Variants in ZC3HAV1 observed in about 807,000 individuals in gnomAD.
ZC3HAV1 encodes zinc finger CCCH-type antiviral protein 1.
ZC3HAV1 carries 41 observed loss-of-function variants against 86.6 expected under a neutral mutation model. The ratio of observed to expected loss-of-function variants is 0.47; its 90% CI spans 0.37 to 0.61. The LOEUF (loss-of-function observed/expected upper bound fraction) is 0.61, where lower values mean the gene tolerates loss of function less well. Ranked by LOEUF, ZC3HAV1 falls within the 20% of genes least tolerant of loss-of-function variation. The pLI, the probability that ZC3HAV1 is intolerant of heterozygous loss-of-function variation, is 0.00. For synonymous variants in ZC3HAV1, 421 were observed against 432.1 expected (o/e 0.97, Z 0.32); for missense variants, 964 against 1,141.1 (o/e 0.84, Z 2.24).
At chr7:139,052,211 G>T (rs562745069) in intron 12 of ZC3HAV1, among the ~76,000 whole-genome samples, 5 of 150,676 alleles carry the variant, frequency 3.3e-5, no homozygotes, top group African/African-American at 1.2e-4. Flanking sequence ...CCTGCGCCAT[G>T]TTGGTGTGCT....
At chr7:139,065,098 G>A (rs766893940) in intron 7 of ZC3HAV1, 99 bp from the exon 8 acceptor site, 24 of 1,505,858 alleles carry the variant, frequency 1.6e-5, no homozygotes, top group Non-Finnish European at 1.8e-5. Flanking sequence ...GAACAGGAGT[G>A]CATTTTGCTT....
intron 9 of ZC3HAV1, 106 bp from the exon 10 acceptor site, chr7:139,055,401 C>T (rs1252531779): frequency 9.6e-5 from 82 of 855,238 alleles, no homozygotes; most frequent in Non-Finnish European, 5.9e-5. Flanking sequence ...GAGAAATACA[C>T]AATATTTATT....
In ZC3HAV1 at chr7:139,046,573, C is replaced by T. The variant is rs1209176770; in HGVS notation, c.*1021G>A. 42 of 152,182 alleles carry T rather than the reference C, an allele frequency of 2.8e-4. No individual in the cohort carries two copies. Among genetic ancestry groups the T allele is most frequent in the Admixed American group, 2.7e-3 (42 of 15,276 alleles). The allele number at this position is 152,182 out of a possible 1,614,324, so 9.4% of individuals were successfully genotyped here. A position where few individuals can be genotyped will look rare whatever the true frequency, so the allele number is the denominator to read the frequency against. ...CTCCAGTTGGTTGCTTCTCTCTGAG[C>T]CTTACTTGCCAGCTCTTATTACCGC... On this transcript the variant is annotated 3_prime_UTR_variant, in exon 13 of 13. Transcript: ENST00000242351.
chr7:139,058,453 CCACA>C (rs1301075910), intron 9 of ZC3HAV1, among the ~76,000 whole-genome samples: 2 of 116,032 alleles, frequency 1.7e-5, no homozygotes, highest in African/African-American at 8.8e-5. Context: ...CCCCCCCCCC[CCACA>C]AAAAAACACC....
At chr7:139,050,290 G>A (rs768821418) in intron 12 of ZC3HAV1, among the ~76,000 whole-genome samples, 21 of 151,962 alleles carry the variant, frequency 1.4e-4, no homozygotes, top group Admixed American at 6.6e-4. Context: ...TATATAATCT[G>A]GAATCTATAT....
At chr7:139,052,876 C>G (rs1195827222) in intron 12 of ZC3HAV1, among the ~76,000 whole-genome samples, 1 of 151,446 alleles carries the variant, frequency 6.6e-6, no homozygotes, top group African/African-American at 2.4e-5. Context: ...CTGCAGTGAG[C>G]CGAGATTGTC....
At chr7:139,077,403 C>T (rs948195983) in intron 5 of ZC3HAV1, among the ~76,000 whole-genome samples, 1 of 152,142 alleles carries the variant, frequency 6.6e-6, no homozygotes, top group Non-Finnish European at 1.5e-5. Context: ...GCCACCACGC[C>T]CAGCTAATTT....
rs573663975 is a variant in ZC3HAV1, at chr7:139,071,662, C to T, written c.1872+2194G>A. 5.9e-5 allele frequency among the ~76,000 whole-genome samples: 9 copies of T among 152,188 alleles called. No homozygotes were observed. In the South Asian group the frequency reaches 6.2e-4, roughly 11 times the overall value. On this transcript the variant is annotated intron_variant, in intron 7 of 12. Coordinates refer to ENST00000242351, the MANE Select transcript of ZC3HAV1 (RefSeq NM_020119.4). The stretch of plus-strand genomic sequence containing the variant: ...AATATCATAGGTGTTTTCACACACA[C>T]GGGAGTTTCAGCAGAACTCTGTTCC...
intron 12 of ZC3HAV1, among the ~76,000 whole-genome samples, chr7:139,050,731 A>T (rs1484329471): frequency 6.6e-6 from 1 of 152,210 alleles, no homozygotes; most frequent in African/African-American, 2.4e-5. Context: ...GACCTGTAAG[A>T]AACTGATGGG....
In ZC3HAV1 at chr7:139,093,798, C is replaced by T. The variant is rs191754731; in HGVS notation, c.309-4039G>A. Among the ~76,000 whole-genome samples, 340 of 152,316 alleles carry T rather than the reference C, an allele frequency of 2.2e-3. 6 individuals are homozygous for T. Among genetic ancestry groups the T allele is most frequent in the Non-Finnish European group, 6.5e-4 (44 of 68,028 alleles). ...TCACACAAAGCCTGTTTGGTGGTCT[C>T]TTCACACGGACGCGAGTGAAAATTA... On this transcript the variant is annotated intron_variant, in intron 1 of 12. Transcript: ENST00000242351.
At chr7:139,089,799 C>CAGAA in intron 1 of ZC3HAV1, 40 bp from the exon 2 acceptor site, 1 of 1,558,466 alleles carries the variant, frequency 6.4e-7, no homozygotes, top group Non-Finnish European at 8.6e-7. Context: ...TTCTACTACA[C>CAGAA]AGATGCAAAG....
chr7:139,093,286 C>T (rs1012584043), intron 1 of ZC3HAV1, among the ~76,000 whole-genome samples: 2 of 152,132 alleles, frequency 1.3e-5, no homozygotes, highest in Admixed American at 6.6e-5. Flanking sequence ...AAATTTAAAT[C>T]GGCATCCTGA....
chr7:139,080,227 A>T lies in ZC3HAV1; in HGVS notation c.714T>A (p.Arg238=). Reference sequence around the variant, plus strand: ...TTCTAGCCCTATATGCCATGTTTCTACGATGTGAAGAAGGAGCTAAGGGGA... The same window carrying T: ...TTCTAGCCCTATATGCCATGTTTCTTCGATGTGAAGAAGGAGCTAAGGGGA... ...PPGPRAPSSH[R]RNMAYRARSK... Residue 238 remains arginine, a synonymous_variant, in exon 4 of 13, where the codon CGT becomes CGA. Transcript: ENST00000242351. 1 of 1,614,124 alleles carries T rather than the reference A, an allele frequency of 6.2e-7. No homozygotes were observed. The highest frequency in any genetic ancestry group is 8.5e-7 in the Non-Finnish European group (1 of 1,180,038).
chr7:139,054,207 C>G, intron 10 of ZC3HAV1, 112 bp from the exon 11 acceptor site: 2 of 1,119,466 alleles, frequency 1.8e-6, no homozygotes, highest in East Asian at 2.9e-5. Context: ...TTCTTTCTAA[C>G]AGCAGATAGG....
Position 139,045,112 on chromosome 7 carries a change from T to C in ZC3HAV1, c.*2482A>G, listed in dbSNP as rs562778533. ...GGTACCTTTTATTTCCTCTTTATGT[T>C]CATATTAGTTTTATTTAATTTTTAA... On this transcript the variant is annotated 3_prime_UTR_variant, in exon 13 of 13. Transcript: ENST00000242351. 6.6e-6 allele frequency: 1 copy of C among 152,326 alleles called. No individual in the cohort carries two copies. The highest frequency in any genetic ancestry group is 2.1e-4 in the South Asian group (1 of 4,828). The allele number at this position is 152,326 out of a possible 1,614,324, so 9.4% of individuals were successfully genotyped here.
intron 1 of ZC3HAV1, among the ~76,000 whole-genome samples, chr7:139,094,664 C>T (rs953224223): frequency 3.3e-5 from 5 of 152,322 alleles, no homozygotes; most frequent in South Asian, 4.1e-4. Context: ...TCTCTCACCA[C>T]GGGTGCAGTC....
At chr7:139,053,075 C>A (rs1816182756) in intron 12 of ZC3HAV1, among the ~76,000 whole-genome samples, 1 of 152,160 alleles carries the variant, frequency 6.6e-6, no homozygotes, top group Non-Finnish European at 1.5e-5. Flanking sequence ...TAATTAAAAC[C>A]AATCTGTGAC....
intron 1 of ZC3HAV1, among the ~76,000 whole-genome samples, chr7:139,091,355 T>C (rs963857501): frequency 2.6e-5 from 4 of 151,956 alleles, no homozygotes; most frequent in Non-Finnish European, 1.5e-5. Context: ...GTGGTCCCAG[T>C]TACTCGGGAG....
At chr7:139,058,608 G>A (rs982572144) in intron 9 of ZC3HAV1, among the ~76,000 whole-genome samples, 2 of 152,172 alleles carry the variant, frequency 1.3e-5, no homozygotes, top group Non-Finnish European at 2.9e-5. Flanking sequence ...TACTATAAGG[G>A]AATCTCGAGT....
Sources: gnomAD v4.1 joint callset for allele counts (sites outside exome capture counted in the v4.1 genomes callset) on GRCh38, gnomAD v4.1.1 for gene constraint, MANE v1.5 for transcripts, NCBI Gene and HGNC (gene_info 2026-07-23, HGNC 2026-07-21) for gene names.